Variants in PHF21A observed in about 807,000 individuals in gnomAD.
The protein encoded by PHF21A is PHD finger protein 21A.
PHF21A carries 11 observed loss-of-function variants against 82.5 expected under a neutral mutation model. The observed-to-expected ratio is 0.13, with a 90% CI of 0.08 to 0.22. The LOEUF is 0.22. Ranked by LOEUF, PHF21A falls within the 10% of genes least tolerant of loss-of-function variation. The probability of loss-of-function intolerance (pLI) is 1.00; values close to 1 mark genes in which losing one functional copy is unlikely to be tolerated. For synonymous variants in PHF21A, 297 were observed against 302.8 expected (o/e 0.98, Z 0.20); for missense variants, 579 against 837.8 (o/e 0.69, Z 3.81).
intron 6 of PHF21A, among the ~76,000 whole-genome samples, chr11:46,016,218 G>A (rs1044100705): frequency 6.6e-6 from 1 of 152,128 alleles, no homozygotes; most frequent in African/African-American, 2.4e-5. Context: ...TGACCTAAAT[G>A]TCTTTGTGTG....
intron 4 of PHF21A, among the ~76,000 whole-genome samples, chr11:46,082,951 T>G (rs1165040067): frequency 2.0e-5 from 3 of 151,968 alleles, no homozygotes; most frequent in Non-Finnish European, 4.4e-5. Context: ...AAATTATCCT[T>G]GATCCACACA....
intron 1 of PHF21A, among the ~76,000 whole-genome samples, chr11:46,110,943 G>A (rs1407815672): frequency 6.6e-6 from 1 of 151,538 alleles, no homozygotes; most frequent in Non-Finnish European, 1.5e-5. Flanking sequence ...CTGCCACCAC[G>A]CCCAGCTAAT....
intron 9 of PHF21A, among the ~76,000 whole-genome samples, chr11:45,967,038 C>T (rs2093480204): frequency 6.6e-6 from 1 of 152,108 alleles, no homozygotes. Flanking sequence ...ATAAGAATGT[C>T]AACTATATTA....
At chr11:46,001,498 G>A (rs766378508) in intron 6 of PHF21A, among the ~76,000 whole-genome samples, 6 of 151,992 alleles carry the variant, frequency 3.9e-5, no homozygotes, top group Non-Finnish European at 5.9e-5. Context: ...TGGTGTCTCC[G>A]TCACATGCAC....
chr11:46,115,157 G>C (rs2136115028), intron 1 of PHF21A, among the ~76,000 whole-genome samples: 1 of 152,168 alleles, frequency 6.6e-6, no homozygotes, highest in East Asian at 1.9e-4. Context: ...GAGACTTGCA[G>C]GGTACTGAAA....
In PHF21A at chr11:45,934,199, G is replaced by A. The variant is rs147424018; in HGVS notation, c.1815C>T (p.Ile605=). Residue 605 remains isoleucine (I), a synonymous_variant, in exon 19 of 19, where the codon ATC becomes ATT. Transcript: ENST00000676320. ...ISKCMEMKNT[I]LARQKEMHSS... is the part of the protein sequence containing the mutation. ...TGTGCATCTCCTTCTGCCGGGCCAGGATGGTGTTCTTCATTTCCATGCATT... is the reference window on the plus strand; with the variant it reads ...TGTGCATCTCCTTCTGCCGGGCCAGAATGGTGTTCTTCATTTCCATGCATT... 2 of 1,613,642 alleles carry A rather than the reference G, an allele frequency of 1.2e-6. No homozygotes were observed. Among genetic ancestry groups the A allele is most frequent in the Non-Finnish European group, 8.5e-7 (1 of 1,179,978 alleles).
At chr11:45,959,695 G>A (rs2092954871) in intron 10 of PHF21A, among the ~76,000 whole-genome samples, 1 of 152,206 alleles carries the variant, frequency 6.6e-6, no homozygotes, top group African/African-American at 2.4e-5. Flanking sequence ...CAAAGTTGTA[G>A]GGTACAAGAT....
At chr11:45,999,941 A>T (rs1426958452) in intron 6 of PHF21A, among the ~76,000 whole-genome samples, 1 of 152,228 alleles carries the variant, frequency 6.6e-6, no homozygotes, top group Non-Finnish European at 1.5e-5. Context: ...GAAAGTCGCA[A>T]TATTCTGCAA....
chr11:46,042,301 G>A (rs867624410), intron 6 of PHF21A, among the ~76,000 whole-genome samples: 1 of 152,122 alleles, frequency 6.6e-6, no homozygotes, highest in Admixed American at 6.6e-5. Context: ...TTGCTGGACA[G>A]GTATTTGGCC....
intron 1 of PHF21A, among the ~76,000 whole-genome samples, chr11:46,103,429 T>G (rs1443357156): frequency 6.6e-6 from 1 of 152,192 alleles, no homozygotes; most frequent in Non-Finnish European, 1.5e-5. Context: ...TACAACCCAT[T>G]ATAAAATTGC....
At chr11:45,938,030 G>C (rs903224093) in intron 16 of PHF21A, 127 bp downstream of exon 16, 16 of 761,550 alleles carry the variant, frequency 2.1e-5, no homozygotes, top group Non-Finnish European at 3.1e-5. Flanking sequence ...TCATAAACAG[G>C]GAAGATGCAG....
chr11:46,012,260 T>G (rs1184984139), intron 6 of PHF21A, among the ~76,000 whole-genome samples: 1 of 152,208 alleles, frequency 6.6e-6, no homozygotes, highest in Non-Finnish European at 1.5e-5. Flanking sequence ...AGCTGCACTA[T>G]TACTGACCAT....
chr11:46,009,403 T>C (rs1389844380), intron 6 of PHF21A, among the ~76,000 whole-genome samples: 2 of 152,166 alleles, frequency 1.3e-5, no homozygotes, highest in African/African-American at 4.8e-5. Context: ...TTATAAAACT[T>C]TTCTTGACTC....
rs2134817118 is a variant in PHF21A at position 45,929,849 on chromosome 11, G to A, written c.*4119C>T. ...GCCCAGGGCTGCCCACTCCTGTCTT[G>A]GAGAGGAGCTGACTCAGAGGACAGT... is the stretch of plus-strand genomic sequence containing the variant. On this transcript the variant is annotated 3_prime_UTR_variant, in exon 19 of 19. Coordinates refer to ENST00000676320, the MANE Select transcript of PHF21A (RefSeq NM_001352027.3). 6.6e-6 allele frequency: 1 copy of A among 152,402 alleles called. No individual in the cohort carries two copies. The highest frequency in any genetic ancestry group is 2.1e-4 in the South Asian group (1 of 4,828). 9.4% of individuals were successfully genotyped at this position (152,402 alleles called of 1,614,324 possible). A position where few individuals can be genotyped will look rare whatever the true frequency, so the allele number is the denominator to read the frequency against.
intron 1 of PHF21A, among the ~76,000 whole-genome samples, chr11:46,102,198 C>T (rs571795575): frequency 7.9e-5 from 12 of 152,318 alleles, no homozygotes; most frequent in African/African-American, 2.9e-4. Flanking sequence ...ATACACCAGC[C>T]TCGGCCTCCC....
chr11:45,989,769 C>A (rs2094617529), intron 6 of PHF21A, among the ~76,000 whole-genome samples: 1 of 152,076 alleles, frequency 6.6e-6, no homozygotes, highest in Non-Finnish European at 1.5e-5. Context: ...GAGGCCAATG[C>A]AGGAGGACTG....
intron 10 of PHF21A, among the ~76,000 whole-genome samples, chr11:45,958,443 T>TACAC (rs1387185684): frequency 7.9e-5 from 2 of 25,228 alleles, no homozygotes; most frequent in African/African-American, 2.4e-4. Flanking sequence ...TATATATATA[T>TACAC]ATATATACAC....
intron 6 of PHF21A, among the ~76,000 whole-genome samples, chr11:46,003,826 T>C (rs1218063573): frequency 6.6e-6 from 1 of 152,216 alleles, no homozygotes; most frequent in East Asian, 1.9e-4. Flanking sequence ...TTGCTTCCTA[T>C]GCCAGGATTT....
intron 15 of PHF21A, among the ~76,000 whole-genome samples, chr11:45,938,527 A>T (rs1466747238): frequency 2.0e-5 from 3 of 152,170 alleles, no homozygotes; most frequent in Non-Finnish European, 2.9e-5. Context: ...GTCCCCCCTT[A>T]TCCTTGGGGA....
Sources: gnomAD v4.1 joint callset for allele counts (sites outside exome capture counted in the v4.1 genomes callset) on GRCh38, gnomAD v4.1.1 for gene constraint, MANE v1.5 for transcripts, NCBI Gene and HGNC (gene_info 2026-07-23, HGNC 2026-07-21) for gene names.